Variants in AUNIP observed in about 807,000 individuals in gnomAD.
AUNIP encodes aurora kinase A and ninein interacting protein, also known as aurora kinase A- and ninein-interacting protein.
In AUNIP, 16 loss-of-function variants were observed where a neutral mutation model predicts 12.2. The ratio of observed to expected loss-of-function variants is 1.31; its 90% CI spans 0.88 to 1.99. AUNIP has a LOEUF of 1.99. Among genes scored for constraint, AUNIP ranks in the 30% most tolerant of loss-of-function variants. The pLI, the probability that AUNIP is intolerant of heterozygous loss-of-function variation, is 0.00. For synonymous variants in AUNIP, 142 were observed against 154.8 expected (o/e 0.92, Z 0.61); for missense variants, 411 against 419.1 (o/e 0.98, Z 0.17).
chr1:25,849,785 C>T (rs557831199), intron 1 of AUNIP, among the ~76,000 whole-genome samples: 25 of 152,154 alleles, frequency 1.6e-4, no homozygotes, highest in Non-Finnish European at 3.1e-4. Context: ...AGGTGCCTGC[C>T]ACCATGCCTG....
intron 1 of AUNIP, among the ~76,000 whole-genome samples, chr1:25,843,920 T>C (rs1335242465): frequency 3.9e-5 from 6 of 152,128 alleles, no homozygotes; most frequent in East Asian, 1.9e-4. Context: ...GCCGTGAACA[T>C]TGTTGAAAAG....
rs34089945 is a variant in AUNIP, at chr1:25,837,072, C to T, written c.220+341G>A. Among the ~76,000 whole-genome samples, 1,017 of 152,310 alleles carry T rather than the reference C, an allele frequency of 6.7e-3. 3 individuals are homozygous for T. Among genetic ancestry groups the T allele is most frequent in the Non-Finnish European group, 0.011 (738 of 68,040 alleles). On this transcript the variant is annotated intron_variant, in intron 2 of 2. Coordinates refer to ENST00000374298, the MANE Select transcript of AUNIP (RefSeq NM_024037.3). ...TTATTAATTAACCTTAGACAGAGTA[C>T]CCACTGTGGCCAACCCAAGATATAT... is the stretch of plus-strand genomic sequence containing the variant.
In AUNIP at chr1:25,834,770, G is replaced by C. The variant is rs1274952785; in HGVS notation, c.*223C>G. On this transcript the variant is annotated 3_prime_UTR_variant, in exon 3 of 3. Transcript: ENST00000374298. The stretch of plus-strand genomic sequence containing the variant: ...AGTGTTCATCATAGACTCATTCAGG[G>C]AATTTACCAGCCACCACCTTCCTGA... 5.0e-6 allele frequency: 7 copies of C among 1,402,010 alleles called. No homozygotes were observed. The African/African-American group carries it at 1.0e-4, about 20-fold the overall frequency. 86.8% of individuals were successfully genotyped at this position (1,402,010 alleles called of 1,614,324 possible). A position where few individuals can be genotyped will look rare whatever the true frequency, so the allele number is the denominator to read the frequency against.
At chr1:25,855,717 C>T (rs1418913462) in intron 1 of AUNIP, among the ~76,000 whole-genome samples, 2 of 152,154 alleles carry the variant, frequency 1.3e-5, no homozygotes, top group Non-Finnish European at 2.9e-5. Context: ...ACACTAGGTA[C>T]TGCCCATCCA....
chr1:25,836,020 C>T (rs2048300430), intron 2 of AUNIP, among the ~76,000 whole-genome samples, 174 bp from the exon 3 acceptor site: 1 of 152,198 alleles, frequency 6.6e-6, no homozygotes, highest in African/African-American at 2.4e-5. Context: ...GCCAGTCTAT[C>T]ATGAATAAAC....
intron 1 of AUNIP, among the ~76,000 whole-genome samples, chr1:25,845,946 A>G (rs1346483138): frequency 6.6e-6 from 1 of 152,180 alleles, no homozygotes; most frequent in Non-Finnish European, 1.5e-5. Flanking sequence ...TTCCGTCCCA[A>G]AGTAATCTAA....
intron 1 of AUNIP, among the ~76,000 whole-genome samples, chr1:25,854,578 G>C (rs7540017): frequency 6.6e-6 from 1 of 152,152 alleles, no homozygotes; most frequent in Non-Finnish European, 1.5e-5. Flanking sequence ...AATTTGGAAC[G>C]GGCATAACTG....
chr1:25,839,316 GACCTCTGCATA>G (rs1310018893), intron 1 of AUNIP, among the ~76,000 whole-genome samples: 2 of 152,228 alleles, frequency 1.3e-5, no homozygotes, highest in East Asian at 3.8e-4. Flanking sequence ...CCAGAAGGGA[GACCTCTGCATA>G]GGGATCCCTT....
At chr1:25,840,047 T>C (rs1244164914) in intron 1 of AUNIP, among the ~76,000 whole-genome samples, 1 of 152,076 alleles carries the variant, frequency 6.6e-6, no homozygotes, top group African/African-American at 2.4e-5. Flanking sequence ...TTACTAGATA[T>C]GTGAAGCAGA....
At chr1:25,839,554 C>T (rs1400812033) in intron 1 of AUNIP, among the ~76,000 whole-genome samples, 1 of 152,200 alleles carries the variant, frequency 6.6e-6, no homozygotes, top group Non-Finnish European at 1.5e-5. Flanking sequence ...TAGAGCTAAA[C>T]TAGCCCTAGA....
intron 1 of AUNIP, among the ~76,000 whole-genome samples, chr1:25,850,055 G>T (rs1373798228): frequency 1.3e-5 from 2 of 151,838 alleles, no homozygotes; most frequent in African/African-American, 2.4e-5. Flanking sequence ...AAGTTTTTGT[G>T]CAGACATACG....
rs1352261359 is a variant in AUNIP at position 25,835,626 on chromosome 1, G to A, written c.441C>T (p.Thr147=). The A allele has an allele frequency of 2.5e-6, 4 of 1,614,214 alleles. No homozygotes were observed. In the East Asian group the frequency reaches 8.9e-5, roughly 36 times the overall value. Residue 147 remains threonine (T), a synonymous_variant, in exon 3 of 3, where the codon ACC becomes ACT. Transcript: ENST00000374298. ...GCAAAGATAGCTCAGTTGAAAATGG[G>A]GTTTTCATTCTGTGGTGGCCAGAAG... ...LQTSGHHRMK[T]PFSTELSLLQ...
At position 25,859,368 on chromosome 1, in the gene AUNIP, G is replaced by A. The variant is rs113863883; in HGVS notation, c.-11C>T. 1.8e-3 allele frequency: 2,795 copies of A among 1,516,630 alleles called. 43 individuals are homozygous for A. The African/African-American group carries it at 0.031, about 17-fold the overall frequency. The allele number at this position is 1,516,630 out of a possible 1,614,324, so 93.9% of individuals were successfully genotyped here. A position where few individuals can be genotyped will look rare whatever the true frequency, so the allele number is the denominator to read the frequency against. On this transcript the variant is annotated 5_prime_UTR_variant, in exon 1 of 3. Coordinates refer to ENST00000374298, the MANE Select transcript of AUNIP (RefSeq NM_024037.3). ...GCCTGTCCGCCTCATGGCCGCTGAG[G>A]AGACGAAGCCGGCAGGACGCCGGCG...
chr1:25,832,375 G>C (rs2048256979), downstream of AUNIP: 2 of 563,666 alleles, frequency 3.5e-6, no homozygotes, highest in South Asian at 4.2e-5. Context: ...CCTATAGCTG[G>C]TCTCACAAGA....
intron 1 of AUNIP, among the ~76,000 whole-genome samples, chr1:25,848,496 A>AG (rs1023819103): frequency 6.6e-6 from 1 of 151,664 alleles, no homozygotes; most frequent in African/African-American, 2.4e-5. Context: ...AAAAAAAAAA[A>AG]AAAAAAAAAA....
At chr1:25,842,691 G>A (rs867684968) in intron 1 of AUNIP, among the ~76,000 whole-genome samples, 1 of 152,246 alleles carries the variant, frequency 6.6e-6, no homozygotes, top group African/African-American at 2.4e-5. Flanking sequence ...AATGCAGCTA[G>A]TGATTTAAAG....
At chr1:25,832,224 G>C, downstream of AUNIP, 1 of 1,454,796 alleles carries the variant, frequency 6.9e-7, no homozygotes, top group South Asian at 1.2e-5. Flanking sequence ...TAAGGCTTGT[G>C]ATTTGACCTG....
Position 25,834,629 on chromosome 1 carries a change from AAAAAAC to A in AUNIP, c.*358_*363del, listed in dbSNP as rs1045768968. The A allele has an allele frequency of 1.6e-5, 16 of 1,016,000 alleles. No individual in the cohort carries two copies. The highest frequency in any genetic ancestry group is 1.6e-5 in the Non-Finnish European group (14 of 849,008). The allele number at this position is 1,016,000 out of a possible 1,614,324, so 62.9% of individuals were successfully genotyped here. On this transcript the variant is annotated 3_prime_UTR_variant, in exon 3 of 3. Transcript: ENST00000374298. ...AGACTCCATCTCAAAAAAAAAAAAA[AAAAAAC>A]ACATCCATAAGCAAGGTCCCAGTCA...
At chr1:25,836,114 G>A (rs965726084) in intron 2 of AUNIP, among the ~76,000 whole-genome samples, 1 of 152,126 alleles carries the variant, frequency 6.6e-6, no homozygotes, top group Non-Finnish European at 1.5e-5. Flanking sequence ...CATCGCATAC[G>A]ATCAGACCAT....
Sources: allele counts gnomAD v4.1 joint callset (sites outside exome capture counted in the v4.1 genomes callset), GRCh38; gene constraint gnomAD v4.1.1; transcripts MANE v1.5; gene names NCBI Gene and HGNC (gene_info 2026-07-23, HGNC 2026-07-21).